TBL1XR1: variants seen among roughly 807,000 people sequenced by gnomAD.
TBL1XR1 encodes the protein F-box-like/WD repeat-containing protein TBL1XR1.
TBL1XR1 carries 5 observed loss-of-function variants against 66.9 expected under a neutral mutation model. The ratio of observed to expected loss-of-function variants is 0.07; its 90% CI spans 0.04 to 0.16. The LOEUF is 0.16. Among genes scored for constraint, TBL1XR1 ranks in the 10% least tolerant of loss-of-function variants. TBL1XR1 has a pLI of 1.00. For synonymous variants in TBL1XR1, 210 were observed against 206.0 expected (o/e 1.02, Z -0.17); for missense variants, 238 against 623.2 (o/e 0.38, Z 6.58).
rs1716817748 is a variant in TBL1XR1 at position 177,049,873 on chromosome 3, TTTG to T, written c.702+121_702+123del. On this transcript the variant is annotated intron_variant, in intron 7 of 15. Coordinates refer to ENST00000457928, the MANE Select transcript of TBL1XR1 (RefSeq NM_024665.7). ...AGGGCTGGCAGGGGACGACTCCCGG[TTTG>T]TTGTTACTAGTTAATAAAACCCCAA... 10 of 1,000,006 alleles carry T rather than the reference TTTG, an allele frequency of 1.0e-5. No homozygotes were observed. The Admixed American group carries it at 2.0e-4, about 20-fold the overall frequency. The allele number at this position is 1,000,006 out of a possible 1,614,324, so 61.9% of individuals were successfully genotyped here.
At chr3:177,175,870 A>G (rs935605068) in intron 1 of TBL1XR1, among the ~76,000 whole-genome samples, 1 of 151,942 alleles carries the variant, frequency 6.6e-6, no homozygotes, top group Non-Finnish European at 1.5e-5. Context: ...CATCCTGACT[A>G]ACACGGTGAA....
intron 2 of TBL1XR1, among the ~76,000 whole-genome samples, chr3:177,097,319 T>G (rs956462948): frequency 2.0e-5 from 3 of 152,206 alleles, no homozygotes; most frequent in Non-Finnish European, 4.4e-5. Context: ...TAAAAATTCA[T>G]TTATCTTCTA....
chr3:177,123,220 A>G (rs1406465070), intron 1 of TBL1XR1, among the ~76,000 whole-genome samples: 2 of 152,144 alleles, frequency 1.3e-5, no homozygotes, highest in Admixed American at 1.3e-4. Context: ...TCAAGAGAGA[A>G]CTCATATCAT....
chr3:177,120,951 T>C (rs746553668), intron 1 of TBL1XR1, among the ~76,000 whole-genome samples: 3 of 152,218 alleles, frequency 2.0e-5, no homozygotes, highest in Non-Finnish European at 4.4e-5. Flanking sequence ...CTTAAATTTA[T>C]ACAATTATTA....
intron 1 of TBL1XR1, among the ~76,000 whole-genome samples, chr3:177,188,109 T>C (rs1274982564): frequency 2.0e-5 from 3 of 152,044 alleles, no homozygotes; most frequent in African/African-American, 7.2e-5. Context: ...TTTCTGTATT[T>C]TTAGTAGAGA....
intron 5 of TBL1XR1, among the ~76,000 whole-genome samples, chr3:177,050,859 A>C (rs1484938748): frequency 1.3e-5 from 2 of 152,098 alleles, no homozygotes; most frequent in Admixed American, 6.6e-5. Context: ...GGGAGACTTT[A>C]AATGATTAGA....
intron 5 of TBL1XR1, 63 bp from the exon 6 acceptor site, chr3:177,050,673 G>C (rs1716943866): frequency 3.2e-6 from 5 of 1,585,584 alleles, no homozygotes; most frequent in Admixed American, 3.4e-5. Flanking sequence ...GTGGATGGGT[G>C]ATTTCTTAAC....
At chr3:177,125,012 G>A (rs553609000) in intron 1 of TBL1XR1, among the ~76,000 whole-genome samples, 20 of 151,682 alleles carry the variant, frequency 1.3e-4, no homozygotes, top group African/African-American at 4.8e-4. Context: ...CTTGGATTAG[G>A]CAATGGTTTC....
chr3:177,090,408 G>C (rs1046628110), intron 2 of TBL1XR1, among the ~76,000 whole-genome samples: 1 of 151,884 alleles, frequency 6.6e-6, no homozygotes, highest in Admixed American at 6.6e-5. Flanking sequence ...ACCCAGCATA[G>C]TGGCTCAGGC....
chr3:177,109,623 T>C lies in TBL1XR1; in HGVS notation c.-121-11082A>G, dbSNP rs916312310. ...TTAATTCACCCACTGGGGACAAAACTTACTAAAATACATCAGTAAATAAAA... is the reference window on the plus strand; with the variant it reads ...TTAATTCACCCACTGGGGACAAAACCTACTAAAATACATCAGTAAATAAAA... On this transcript the variant is annotated intron_variant, in intron 1 of 15. Transcript: ENST00000457928. Among the ~76,000 whole-genome samples, 4 of 152,250 alleles carry C rather than the reference T, an allele frequency of 2.6e-5. No homozygotes were observed. In the East Asian group the frequency reaches 7.7e-4, roughly 29 times the overall value.
chr3:177,019,351 C>T lies in TBL1XR1; in HGVS notation c.*6147G>A, dbSNP rs1164371219. On this transcript the variant is annotated 3_prime_UTR_variant, in exon 16 of 16. Coordinates refer to ENST00000457928, the MANE Select transcript of TBL1XR1 (RefSeq NM_024665.7). ...ACAACCAAGAAACATTAGTAATTGT[C>T]TTCTGTACTTTACTAAACACTTTGT... The T allele has an allele frequency of 6.6e-6, 1 of 151,656 alleles. No homozygotes were observed. The highest frequency in any genetic ancestry group is 1.5e-5 in the Non-Finnish European group (1 of 67,996). The allele number at this position is 151,656 out of a possible 1,614,324, so 9.4% of individuals were successfully genotyped here. A position where few individuals can be genotyped will look rare whatever the true frequency, so the allele number is the denominator to read the frequency against.
intron 2 of TBL1XR1, among the ~76,000 whole-genome samples, chr3:177,076,478 T>A (rs1720719284): frequency 6.6e-6 from 1 of 152,218 alleles, no homozygotes; most frequent in African/African-American, 2.4e-5. Flanking sequence ...AAGGACCCTA[T>A]TTCCAAGTAA....
rs967593728 is a variant in TBL1XR1 at position 177,023,318 on chromosome 3, G to A, written c.*2180C>T. On this transcript the variant is annotated 3_prime_UTR_variant, in exon 16 of 16. Coordinates refer to ENST00000457928, the MANE Select transcript of TBL1XR1 (RefSeq NM_024665.7). ...GAGCACATTTTAAAATTATTGCACA[G>A]ATTTTTTTAATTTTTATTTATTTTT... 1 of 152,448 alleles carries A rather than the reference G, an allele frequency of 6.6e-6. No individual in the cohort carries two copies. Among genetic ancestry groups the A allele is most frequent in the Admixed American group, 6.6e-5 (1 of 15,258 alleles). 9.4% of individuals were successfully genotyped at this position (152,448 alleles called of 1,614,324 possible).
intron 2 of TBL1XR1, among the ~76,000 whole-genome samples, chr3:177,085,718 TTC>T (rs1257996623): frequency 4.6e-5 from 7 of 152,302 alleles, no homozygotes; most frequent in Admixed American, 2.0e-4. Context: ...GACAATAAAA[TTC>T]TGTTTTAATA....
Position 177,180,257 on chromosome 3 carries a change from A to AAG in TBL1XR1, c.-122+16863_-122+16864insCT, listed in dbSNP as rs1734653678. Among the ~76,000 whole-genome samples the AAG allele has an allele frequency of 2.1e-5, 3 of 145,338 alleles. No homozygotes were observed. In the South Asian group the frequency reaches 6.5e-4, roughly 31 times the overall value. On this transcript the variant is annotated intron_variant, in intron 1 of 15. Transcript: ENST00000457928. ...TCTCAAAAAAAAAAAAAAAAAAAAA[A>AAG]GCATACCCACTACAAGAAACAGAGC...
intron 1 of TBL1XR1, among the ~76,000 whole-genome samples, chr3:177,127,168 G>C (rs1380077656): frequency 1.3e-5 from 2 of 152,130 alleles, no homozygotes; most frequent in Non-Finnish European, 2.9e-5. Context: ...GTTATTCTAT[G>C]TATCTCAACA....
intron 14 of TBL1XR1, 94 bp from the exon 15 acceptor site, chr3:177,026,568 G>A (rs1055309520): frequency 5.7e-6 from 5 of 881,442 alleles, no homozygotes; most frequent in Non-Finnish European, 8.2e-6. Context: ...TTTATTTCTA[G>A]CAATCAGAGG....
At chr3:177,192,925 G>A (rs1165392851) in intron 1 of TBL1XR1, among the ~76,000 whole-genome samples, 2 of 152,100 alleles carry the variant, frequency 1.3e-5, no homozygotes, top group Non-Finnish European at 2.9e-5. Flanking sequence ...GGCCGAGGCA[G>A]GCACGTTACC....
At chr3:177,061,761 A>G (rs1236374820) in intron 3 of TBL1XR1, among the ~76,000 whole-genome samples, 1 of 152,222 alleles carries the variant, frequency 6.6e-6, no homozygotes, top group East Asian at 1.9e-4. Context: ...TAGATACTGA[A>G]TGACTAATTC....
Sources: allele counts gnomAD v4.1 joint callset (sites outside exome capture counted in the v4.1 genomes callset), GRCh38; gene constraint gnomAD v4.1.1; transcripts MANE v1.5; gene names NCBI Gene and HGNC (gene_info 2026-07-23, HGNC 2026-07-21).